Variants in RARB observed in about 807,000 individuals in gnomAD.
The protein encoded by RARB is retinoic acid receptor beta.
RARB carries 17 observed loss-of-function variants against 51.9 expected under a neutral mutation model. The observed-to-expected ratio is 0.33, with a 90% CI of 0.22 to 0.49. The LOEUF (loss-of-function observed/expected upper bound fraction) is 0.49, where lower values mean the gene tolerates loss of function less well. Ranked by LOEUF, RARB falls within the 20% of genes least tolerant of loss-of-function variation. The probability of loss-of-function intolerance (pLI) is 0.99; values close to 1 mark genes in which losing one functional copy is unlikely to be tolerated. For missense variants in RARB, 369 were observed against 550.8 expected (o/e 0.67, Z 3.30); for synonymous variants, 215 against 195.4 (o/e 1.10, Z -0.84).
chr3:25,564,049 T>C (rs1277320466), intron 3 of RARB, among the ~76,000 whole-genome samples: 1 of 152,114 alleles, frequency 6.6e-6, no homozygotes, highest in African/African-American at 2.4e-5. Flanking sequence ...TTTCCTGCAT[T>C]AAATTTTTAT....
At chr3:24,838,313 T>C (rs1702369799) in intron 1 of RARB, among the ~76,000 whole-genome samples, 1 of 152,098 alleles carries the variant, frequency 6.6e-6, no homozygotes. Context: ...TTTTTTAAGG[T>C]CAATTGATGA....
chr3:25,364,241 A>G (rs35569984), intron 5 of RARB, among the ~76,000 whole-genome samples: 29,178 of 152,188 alleles, frequency 0.19, 3,630 homozygotes, highest in Admixed American at 0.33. Context: ...TGCCTGGAAC[A>G]GTATCTGGCA....
chr3:25,296,141 TTGAGA>T lies in RARB; in HGVS notation c.178+121571_178+121575del, dbSNP rs142636594. Among the ~76,000 whole-genome samples, 840 of 152,218 alleles carry T rather than the reference TTGAGA, an allele frequency of 5.5e-3. 13 individuals are homozygous for T. Among genetic ancestry groups the T allele is most frequent in the African/African-American group, 0.019 (798 of 41,530 alleles). On this transcript the variant is annotated intron_variant, in intron 5 of 11. Transcript: ENST00000383772. ...GGACATCCACCAAAAGAGGCAAAAC[TTGAGA>T]TGAGCCTTGAAAGAAGAAACTTAGA...
In RARB at chr3:25,095,991, C is replaced by T. The variant is rs373660703; in HGVS notation, c.-328+35815C>T. 1.1e-3 allele frequency among the ~76,000 whole-genome samples: 172 copies of T among 152,230 alleles called. 3 individuals carry two copies. Among genetic ancestry groups the T allele is most frequent in the South Asian group, 4.4e-3 (21 of 4,820 alleles). On this transcript the variant is annotated intron_variant, in intron 3 of 11. Transcript: ENST00000383772. ...GGAAGTGAAGGGGCTGAATTATGAA[C>T]GGCAAAGTGACTTCTCTCCTGCCTC...
At chr3:25,537,784 T>A (rs1411968123) in intron 3 of RARB, among the ~76,000 whole-genome samples, 1 of 152,212 alleles carries the variant, frequency 6.6e-6, no homozygotes, top group Non-Finnish European at 1.5e-5. Context: ...ATAATCAAAA[T>A]GAAGACTCTT....
At chr3:25,281,688 G>C (rs755686948) in intron 5 of RARB, among the ~76,000 whole-genome samples, 2 of 152,178 alleles carry the variant, frequency 1.3e-5, no homozygotes, top group African/African-American at 4.8e-5. Context: ...TAGCCTAAGC[G>C]TCATGCCAGC....
At chr3:25,313,588 T>C (rs115087088) in intron 5 of RARB, among the ~76,000 whole-genome samples, 198 of 152,290 alleles carry the variant, frequency 1.3e-3, no homozygotes, top group Non-Finnish European at 2.4e-3. Context: ...GGCTCCCAGA[T>C]CTCTTCTCCA....
intron 1 of RARB, among the ~76,000 whole-genome samples, chr3:25,442,381 G>A (rs930974398): frequency 2.0e-5 from 3 of 152,026 alleles, no homozygotes; most frequent in African/African-American, 4.8e-5. Context: ...TGATCCACCC[G>A]CCTCGATCTT....
chr3:25,510,117 C>T (rs1399577832), intron 3 of RARB, among the ~76,000 whole-genome samples: 1 of 152,172 alleles, frequency 6.6e-6, no homozygotes, highest in Non-Finnish European at 1.5e-5. Flanking sequence ...GCAGATAGGA[C>T]AGGAATCATA....
chr3:25,182,121 C>A (rs1700873656), intron 5 of RARB, among the ~76,000 whole-genome samples: 1 of 152,162 alleles, frequency 6.6e-6, no homozygotes, highest in African/African-American at 2.4e-5. Flanking sequence ...ATTTTGGAAT[C>A]ATACAGCAGG....
At chr3:25,207,649 C>T (rs1306231890) in intron 5 of RARB, among the ~76,000 whole-genome samples, 2 of 152,050 alleles carry the variant, frequency 1.3e-5, no homozygotes, top group African/African-American at 4.8e-5. Flanking sequence ...TTTCTCTCTC[C>T]CTGCGGGAAT....
In RARB at chr3:25,225,090, T is replaced by G. The variant is rs527402094; in HGVS notation, c.178+50515T>G. Among the ~76,000 whole-genome samples the G allele has an allele frequency of 5.3e-5, 8 of 152,306 alleles. 1 individual carries two copies. Among genetic ancestry groups the G allele is most frequent in the Admixed American group, 5.2e-4 (8 of 15,296 alleles). ...CAGATTAAGGTGATACCTAAACTAGTGCTTTCGGGGTGCCCTTACCACTAG... is the reference window on the plus strand; with the variant it reads ...CAGATTAAGGTGATACCTAAACTAGGGCTTTCGGGGTGCCCTTACCACTAG... On this transcript the variant is annotated intron_variant, in intron 5 of 11. Coordinates refer to the RARB transcript ENST00000383772.
intron 3 of RARB, among the ~76,000 whole-genome samples, chr3:25,131,974 G>T (rs924237351): frequency 1.3e-5 from 2 of 152,032 alleles, no homozygotes; most frequent in South Asian, 2.1e-4. Context: ...GAACAGGGTG[G>T]GTTGAGGCCA....
intron 2 of RARB, among the ~76,000 whole-genome samples, chr3:24,963,748 A>G (rs1178731777): frequency 1.3e-5 from 2 of 152,028 alleles, no homozygotes. Flanking sequence ...AGTCACAGGA[A>G]TGCACCTGTG....
At chr3:25,384,223 G>A (rs1325703593) in intron 5 of RARB, among the ~76,000 whole-genome samples, 2 of 152,148 alleles carry the variant, frequency 1.3e-5, no homozygotes, top group Non-Finnish European at 2.9e-5. Flanking sequence ...CATGGCAGTT[G>A]TTAACTAGTT....
At chr3:24,951,726 C>T (rs566834751) in intron 2 of RARB, among the ~76,000 whole-genome samples, 4 of 152,150 alleles carry the variant, frequency 2.6e-5, no homozygotes, top group Admixed American at 2.0e-4. Flanking sequence ...ATGCCAATGA[C>T]CCCCCAAAGG....
At chr3:25,578,549 C>T (rs564871622) in intron 4 of RARB, among the ~76,000 whole-genome samples, 41 of 152,332 alleles carry the variant, frequency 2.7e-4, no homozygotes, top group Admixed American at 2.3e-3. Flanking sequence ...CCCTCTCTTC[C>T]GTGTCATCTT....
intron 5 of RARB, among the ~76,000 whole-genome samples, chr3:25,295,479 G>A (rs1002949426): frequency 6.6e-6 from 1 of 152,132 alleles, no homozygotes; most frequent in African/African-American, 2.4e-5. Context: ...ACGACTGTGA[G>A]CAATAATTTT....
At chr3:25,105,109 T>G (rs1371800723) in intron 3 of RARB, among the ~76,000 whole-genome samples, 5 of 152,176 alleles carry the variant, frequency 3.3e-5, no homozygotes, top group African/African-American at 1.2e-4. Flanking sequence ...ATTCAAACAT[T>G]GTTACGCTAA....
Sources: gnomAD v4.1 joint callset for allele counts (sites outside exome capture counted in the v4.1 genomes callset) on GRCh38, gnomAD v4.1.1 for gene constraint, MANE v1.5 for transcripts, NCBI Gene and HGNC (gene_info 2026-07-23, HGNC 2026-07-21) for gene names.